The following PLAC8 variants were observed in gnomAD, a reference collection of about 807,000 sequenced individuals.
PLAC8 encodes placenta associated 8.
In PLAC8, 6 loss-of-function variants were observed where a neutral mutation model predicts 12.6. The ratio of observed to expected loss-of-function variants is 0.48; its 90% CI spans 0.26 to 0.94. The LOEUF is 0.94. Ranked by LOEUF, PLAC8 falls within the 40% of genes least tolerant of loss-of-function variation. The pLI is 0.14. For missense variants in PLAC8, 122 were observed against 152.7 expected (o/e 0.80, Z 1.06); for synonymous variants, 54 against 52.6 (o/e 1.03, Z -0.11).
chr4:83,101,930 A>G (rs1358051668), intron 3 of PLAC8, among the ~76,000 whole-genome samples: 3 of 152,244 alleles, frequency 2.0e-5, no homozygotes, highest in Admixed American at 6.5e-5. Flanking sequence ...TAAGCCCACA[A>G]CTGAAACCTA....
At position 83,114,724 on chromosome 4, in the gene PLAC8, A is replaced by T. The variant is rs753844906; in HGVS notation, c.-88T>A. The stretch of plus-strand genomic sequence containing the variant: ...TTGTGGCCTGGGAGAGAATCTCACC[A>T]CAAATGAAAACTACGTGAAAGGGGA... On this transcript the variant is annotated 5_prime_UTR_variant, in exon 1 of 5. Transcript: ENST00000311507. The T allele has an allele frequency of 1.3e-5, 2 of 152,194 alleles. No individual in the cohort carries two copies. The highest frequency in any genetic ancestry group is 4.1e-4 in the South Asian group (2 of 4,836). The allele number at this position is 152,194 out of a possible 1,614,324, so 9.4% of individuals were successfully genotyped here. A position where few individuals can be genotyped will look rare whatever the true frequency, so the allele number is the denominator to read the frequency against.
At chr4:83,108,239 G>A (rs1414978864) in intron 1 of PLAC8, among the ~76,000 whole-genome samples, 3 of 151,918 alleles carry the variant, frequency 2.0e-5, no homozygotes, top group African/African-American at 7.3e-5. Context: ...TCTGTTTGAA[G>A]AACAGAATTT....
intron 1 of PLAC8, among the ~76,000 whole-genome samples, chr4:83,112,894 C>T (rs1304228091): frequency 6.6e-6 from 1 of 152,194 alleles, no homozygotes; most frequent in Non-Finnish European, 1.5e-5. Flanking sequence ...GGAGAGAAAA[C>T]GTCCTTGAAA....
At position 83,094,810 on chromosome 4, in the gene PLAC8, G is replaced by T; in HGVS notation, c.244-19C>A. ...TAGATCCCTGTTTGAAAACCAAAAA[G>T]AAATAAAAATATAAAATTCACCTAT... On this transcript the variant is annotated intron_variant, in intron 3 of 4. Transcript: ENST00000311507. 3 of 1,424,684 alleles carry T rather than the reference G, an allele frequency of 2.1e-6. No homozygotes were observed. Among genetic ancestry groups the T allele is most frequent in the Non-Finnish European group, 2.9e-6 (3 of 1,042,252 alleles). 88.3% of individuals were successfully genotyped at this position (1,424,684 alleles called of 1,614,324 possible).
At chr4:83,114,606 A>G (rs1732489196) in intron 1 of PLAC8, 60 bp downstream of exon 1, 1 of 152,056 alleles carries the variant, frequency 6.6e-6, no homozygotes, top group East Asian at 1.9e-4. Flanking sequence ...CTTTTAAAGA[A>G]AGCTTTTTTT....
chr4:83,112,909 A>G (rs1290499037), intron 1 of PLAC8, among the ~76,000 whole-genome samples: 2 of 152,222 alleles, frequency 1.3e-5, no homozygotes, highest in Non-Finnish European at 2.9e-5. Flanking sequence ...TTGAAAATCT[A>G]GAGTTCCTAG....
chr4:83,094,556 A>T, intron 4 of PLAC8, 122 bp downstream of exon 4: 1 of 611,646 alleles, frequency 1.6e-6, no homozygotes, highest in Non-Finnish European at 2.9e-6. Context: ...TTATGATAGC[A>T]CTTCAGGAGA....
At position 83,107,858 on chromosome 4, in the gene PLAC8, G is replaced by T. The variant is rs778533317; in HGVS notation, c.64C>A (p.Gln22Lys). The part of the protein sequence containing the change: ...QPGVGPGPAP[Q>K]NSNWQTGMCD... ...ATGCCTGTCTGCCAGTTGGAGTTCTGGGGGGCCGGACCGGGACCGACTCCA... is the reference window on the plus strand; with the variant it reads ...ATGCCTGTCTGCCAGTTGGAGTTCTTGGGGGCCGGACCGGGACCGACTCCA... The change falls in exon 2 of 5, where the codon CAG becomes AAG. Residue 22 changes from glutamine (Q) to lysine (K), a missense_variant. Gln to Lys is a moderately conservative substitution (Grantham distance 53, BLOSUM62 1). Coordinates refer to ENST00000311507, the MANE Select transcript of PLAC8 (RefSeq NM_016619.3). 1 of 1,606,652 alleles carries T rather than the reference G, an allele frequency of 6.2e-7. No individual in the cohort carries two copies. The highest frequency in any genetic ancestry group is 8.5e-7 in the Non-Finnish European group (1 of 1,175,932).
At chr4:83,098,577 T>C (rs2126140778) in intron 3 of PLAC8, among the ~76,000 whole-genome samples, 1 of 152,330 alleles carries the variant, frequency 6.6e-6, no homozygotes, top group Admixed American at 6.5e-5. Flanking sequence ...AGATGATTTT[T>C]ATGTAATGTT....
chr4:83,108,110 A>G (rs1732307423), intron 1 of PLAC8, among the ~76,000 whole-genome samples, 160 bp from the exon 2 acceptor site: 1 of 151,836 alleles, frequency 6.6e-6, no homozygotes. Flanking sequence ...CGTTGTGCAC[A>G]TGTACCCTAG....
intron 3 of PLAC8, among the ~76,000 whole-genome samples, chr4:83,100,713 A>G (rs1732079287): frequency 6.6e-6 from 1 of 152,076 alleles, no homozygotes; most frequent in Non-Finnish European, 1.5e-5. Flanking sequence ...TCAACCAATA[A>G]CCCTACAATG....
In PLAC8 at chr4:83,090,846, T is replaced by C. The variant is rs1051203479; in HGVS notation, c.*135A>G. On this transcript the variant is annotated 3_prime_UTR_variant, in exon 5 of 5. Coordinates refer to ENST00000311507, the MANE Select transcript of PLAC8 (RefSeq NM_016619.3). ...CATTCATTTATAATAAATCAAAAAT[T>C]TGATTTTTTTCATGCCATCAGTTGT... The C allele has an allele frequency of 2.0e-5, 3 of 152,078 alleles. No homozygotes were observed. The highest frequency in any genetic ancestry group is 3.8e-4 in the East Asian group (2 of 5,198). 9.4% of individuals were successfully genotyped at this position (152,078 alleles called of 1,614,324 possible). A position where few individuals can be genotyped will look rare whatever the true frequency, so the allele number is the denominator to read the frequency against.
intron 3 of PLAC8, among the ~76,000 whole-genome samples, chr4:83,102,171 G>A (rs2126141841): frequency 6.6e-6 from 1 of 152,054 alleles, no homozygotes; most frequent in Admixed American, 6.5e-5. Context: ...TACCTCTGAT[G>A]GATCTAGGGA....
chr4:83,111,743 T>A (rs1732428212), intron 1 of PLAC8, among the ~76,000 whole-genome samples: 5 of 152,220 alleles, frequency 3.3e-5, no homozygotes. Context: ...AATTATGTAA[T>A]TGTTTTTCCT....
At chr4:83,108,138 A>AAAAT (rs1553900467) in intron 1 of PLAC8, among the ~76,000 whole-genome samples, 188 bp from the exon 2 acceptor site, 2 of 149,414 alleles carry the variant, frequency 1.3e-5, no homozygotes, top group African/African-American at 4.9e-5. Flanking sequence ...AGTATAATAA[A>AAAAT]ATATATATAT....
At chr4:83,104,819 C>A in intron 3 of PLAC8, 77 bp downstream of exon 3, 1 of 1,470,690 alleles carries the variant, frequency 6.8e-7, no homozygotes, top group Non-Finnish European at 9.5e-7. Flanking sequence ...ATGTATACAT[C>A]AAATGATCTC....
intron 3 of PLAC8, among the ~76,000 whole-genome samples, chr4:83,096,000 G>C (rs1343782425): frequency 6.6e-6 from 1 of 152,154 alleles, no homozygotes. Flanking sequence ...TAACAGTTCA[G>C]GGAGGGTCAG....
At chr4:83,112,699 G>A (rs1403641257) in intron 1 of PLAC8, among the ~76,000 whole-genome samples, 1 of 152,188 alleles carries the variant, frequency 6.6e-6, no homozygotes, top group Non-Finnish European at 1.5e-5. Context: ...AGATGAGAAA[G>A]CAAACACACT....
intron 1 of PLAC8, among the ~76,000 whole-genome samples, chr4:83,112,202 ATG>A (rs1196584736): frequency 0.13 from 3,527 of 26,796 alleles, 247 homozygotes; most frequent in African/African-American, 0.25. Flanking sequence ...ATATATATAT[ATG>A]TATATATATA....
Sources: gnomAD v4.1 joint callset for allele counts (sites outside exome capture counted in the v4.1 genomes callset) on GRCh38, gnomAD v4.1.1 for gene constraint, MANE v1.5 for transcripts, NCBI Gene and HGNC (gene_info 2026-07-23, HGNC 2026-07-21) for gene names.